The following ADGRL2 variants were observed in gnomAD, a reference collection of about 807,000 sequenced individuals.
The protein encoded by ADGRL2 is calcium-independent alpha-latrotoxin receptor 2.
ADGRL2 carries 44 observed loss-of-function variants against 157.4 expected under a neutral mutation model. The ratio of observed to expected loss-of-function variants is 0.28; its 90% CI spans 0.22 to 0.36. The LOEUF is 0.36. ADGRL2 is among the 10% of genes least tolerant of loss of function. ADGRL2 has a pLI of 1.00. For missense variants in ADGRL2, 1,510 were observed against 1,768.9 expected, an observed-to-expected ratio of 0.85 and a Z score of 2.63; for synonymous variants, 585 against 624.7, an observed-to-expected ratio of 0.94 and a Z score of 0.95.
At chr1:81,481,503 A>G (rs2147882293) in intron 2 of ADGRL2, among the ~76,000 whole-genome samples, 1 of 152,290 alleles carries the variant, frequency 6.6e-6, no homozygotes, top group Admixed American at 6.5e-5. Context: ...CAGGTGGGCA[A>G]CTGCCTGGGG....
At chr1:81,829,645 C>T (rs1474398350) in intron 1 of ADGRL2, among the ~76,000 whole-genome samples, 1 of 152,102 alleles carries the variant, frequency 6.6e-6, no homozygotes, top group East Asian at 1.9e-4. Flanking sequence ...GAAACAGTTG[C>T]TTCTTTTTAA....
chr1:81,503,221 GC>G (rs950672141), intron 2 of ADGRL2: 2 of 1,614,096 alleles, frequency 1.2e-6, no homozygotes, highest in Non-Finnish European at 1.7e-6. Context: ...CAGAGCAGAG[GC>G]CTCGGCTGCA....
intron 3 of ADGRL2, among the ~76,000 whole-genome samples, chr1:81,616,849 G>C (rs1383057712): frequency 6.6e-6 from 1 of 151,662 alleles, no homozygotes; most frequent in Non-Finnish European, 1.5e-5. Flanking sequence ...GCTGATTTTT[G>C]TATTTTTTGT....
intron 18 of ADGRL2, 71 bp from the exon 19 acceptor site, chr1:81,981,737 G>A: frequency 1.6e-6 from 2 of 1,227,880 alleles, no homozygotes; most frequent in Non-Finnish European, 2.3e-6. Context: ...CTACTGATAT[G>A]TTAACATTTA....
At chr1:81,883,399 A>T (rs754290399) in intron 2 of ADGRL2, among the ~76,000 whole-genome samples, 2 of 152,142 alleles carry the variant, frequency 1.3e-5, no homozygotes, top group South Asian at 4.1e-4. Flanking sequence ...TCTCACATCT[A>T]CTTGCATGGA....
At chr1:81,524,646 A>C (rs1267692726) in intron 2 of ADGRL2, among the ~76,000 whole-genome samples, 1 of 152,222 alleles carries the variant, frequency 6.6e-6, no homozygotes, top group Non-Finnish European at 1.5e-5. Flanking sequence ...TCATGTATAA[A>C]TACTAAACAT....
At chr1:81,919,808 G>A (rs2094937558) in intron 3 of ADGRL2, among the ~76,000 whole-genome samples, 2 of 152,146 alleles carry the variant, frequency 1.3e-5, no homozygotes, top group African/African-American at 4.8e-5. Context: ...ACAAAAGCAG[G>A]TATGTTAGAT....
chr1:81,418,037 G>A (rs553158753), intron 1 of ADGRL2, among the ~76,000 whole-genome samples: 1 of 152,208 alleles, frequency 6.6e-6, no homozygotes, highest in African/African-American at 2.4e-5. Context: ...GTTTCATTGA[G>A]TGCTCTAACC....
chr1:81,558,642 TG>T (rs2080369501), intron 2 of ADGRL2, among the ~76,000 whole-genome samples: 1 of 151,622 alleles, frequency 6.6e-6, no homozygotes, highest in African/African-American at 2.4e-5. Flanking sequence ...GAAATAACAA[TG>T]AAAAAAAAAA....
Position 81,966,419 on chromosome 1 carries a change from T to G in ADGRL2, c.2159T>G (p.Val720Gly). 1 of 1,614,094 alleles carries G rather than the reference T, an allele frequency of 6.2e-7. No individual in the cohort carries two copies. The highest frequency in any genetic ancestry group is 8.5e-7 in the Non-Finnish European group (1 of 1,179,980). ...QNSRNGLAKL[V>G]FIIYRSLGQF... ...ACCTTCCTAGGGCTTGCAAAGTTGGTGTTCATCATTTACCGGAGCCTGGGA... is the reference window on the plus strand; with the variant it reads ...ACCTTCCTAGGGCTTGCAAAGTTGGGGTTCATCATTTACCGGAGCCTGGGA... Residue 720 changes from valine to glycine, a missense_variant, in exon 13 of 24, where the codon GTG becomes GGG. This residue lies in a region of ADGRL2 where 497 missense variants were observed against 627.2 expected (regional missense o/e 0.79). Coordinates refer to ENST00000686636, the MANE Select transcript of ADGRL2 (RefSeq NM_001366006.2).
At chr1:81,693,113 A>G (rs1417404465) in intron 3 of ADGRL2, among the ~76,000 whole-genome samples, 1 of 152,150 alleles carries the variant, frequency 6.6e-6, no homozygotes, top group East Asian at 1.9e-4. Context: ...GAACTGATGT[A>G]TGGCTAACAC....
chr1:81,880,410 G>C (rs2093955015), intron 2 of ADGRL2, among the ~76,000 whole-genome samples: 1 of 152,118 alleles, frequency 6.6e-6, no homozygotes. Flanking sequence ...TTAAGATATT[G>C]ATGCAGGTTA....
intron 2 of ADGRL2, among the ~76,000 whole-genome samples, chr1:81,451,797 TA>T (rs1417102033): frequency 3.3e-5 from 5 of 152,338 alleles, no homozygotes; most frequent in Admixed American, 1.3e-4. Context: ...CATCATGCGT[TA>T]ATTTTTTGTT....
intron 3 of ADGRL2, among the ~76,000 whole-genome samples, chr1:81,584,437 G>C (rs2080981966): frequency 6.6e-6 from 1 of 152,068 alleles, no homozygotes; most frequent in South Asian, 2.1e-4. Flanking sequence ...CCTTTGAAAA[G>C]ACAAACAATT....
At chr1:81,685,689 G>C (rs951979447) in intron 3 of ADGRL2, among the ~76,000 whole-genome samples, 1 of 152,216 alleles carries the variant, frequency 6.6e-6, no homozygotes, top group African/African-American at 2.4e-5. Flanking sequence ...GGAGTGGTCA[G>C]AGTGGGCATC....
intron 2 of ADGRL2, among the ~76,000 whole-genome samples, chr1:81,892,096 G>A (rs371413641): frequency 1.3e-5 from 2 of 151,198 alleles, no homozygotes; most frequent in Admixed American, 6.6e-5. Context: ...ATCAATCTTT[G>A]TACCAACACT....
intron 1 of ADGRL2, among the ~76,000 whole-genome samples, chr1:81,408,556 C>T (rs1312828044): frequency 6.6e-6 from 1 of 152,138 alleles, no homozygotes; most frequent in African/African-American, 2.4e-5. Context: ...CTGCTGTTCG[C>T]GTGCCTAGAC....
chr1:81,810,480 T>C (rs2149650003), intron 1 of ADGRL2, among the ~76,000 whole-genome samples: 2 of 152,006 alleles, frequency 1.3e-5, no homozygotes, highest in East Asian at 3.9e-4. Context: ...TGTTTGCTAC[T>C]GTGGTTATTG....
chr1:81,600,894 G>A (rs2081320553), intron 3 of ADGRL2, among the ~76,000 whole-genome samples: 1 of 152,140 alleles, frequency 6.6e-6, no homozygotes, highest in Non-Finnish European at 1.5e-5. Flanking sequence ...TTTATTTCTG[G>A]AAAGGCTTGG....
Sources: gnomAD v4.1 joint callset for allele counts (sites outside exome capture counted in the v4.1 genomes callset) on GRCh38, gnomAD v4.1.1 for gene constraint, gnomAD v4.1.1 regional missense constraint, MANE v1.5 for transcripts, NCBI Gene and HGNC (gene_info 2026-07-23, HGNC 2026-07-21) for gene names.